GARNL3: variants seen among roughly 807,000 people sequenced by gnomAD.
GARNL3 encodes the protein GTPase activating Rap/RanGAP domain like 3, also known as GTPase-activating Rap/Ran-GAP domain-like protein 3.
In GARNL3, 63 loss-of-function variants were observed where a neutral mutation model predicts 125.0. The observed-to-expected ratio is 0.50, with a 90% CI of 0.41 to 0.62. The LOEUF (loss-of-function observed/expected upper bound fraction) is 0.62. Among genes scored for constraint, GARNL3 ranks in the 20% least tolerant of loss-of-function variants. The pLI is 0.00. For missense variants in GARNL3, 994 were observed against 1,244.0 expected (o/e 0.80, Z 3.02); for synonymous variants, 439 against 457.5 (o/e 0.96, Z 0.52).
intron 2 of GARNL3, among the ~76,000 whole-genome samples, chr9:127,250,002 C>T (rs1038388875): frequency 2.0e-5 from 3 of 151,280 alleles, no homozygotes; most frequent in Non-Finnish European, 4.4e-5. Context: ...AGTGAAACTC[C>T]GTGTGAAAAA....
intron 6 of GARNL3, among the ~76,000 whole-genome samples, chr9:127,322,357 G>GCTCACCTCTGCTCAGTCATCC (rs1237503469): frequency 7.3e-5 from 11 of 151,686 alleles, no homozygotes; most frequent in Non-Finnish European, 1.2e-4. Context: ...CCTCGGCAGA[G>GCTCACCTCTGCTCAGTCATCC]CTCACCTCTG....
intron 2 of GARNL3, among the ~76,000 whole-genome samples, chr9:127,291,539 G>A (rs1367631802): frequency 1.3e-5 from 2 of 152,126 alleles, no homozygotes; most frequent in African/African-American, 2.4e-5. Context: ...TACTTCCTCT[G>A]CCAGGCTGAT....
At chr9:127,285,367 G>A (rs2064220085) in intron 1 of GARNL3, among the ~76,000 whole-genome samples, 1 of 152,208 alleles carries the variant, frequency 6.6e-6, no homozygotes, top group African/African-American at 2.4e-5. Context: ...AGGTTGCAGT[G>A]AGTTGAGATC....
At chr9:127,313,999 T>G (rs2065165382) in intron 4 of GARNL3, among the ~76,000 whole-genome samples, 1 of 152,202 alleles carries the variant, frequency 6.6e-6, no homozygotes, top group African/African-American at 2.4e-5. Flanking sequence ...ACTTCCGTTG[T>G]GGAGTGACTG....
chr9:127,275,496 G>A (rs1328128980), intron 1 of GARNL3, among the ~76,000 whole-genome samples: 1 of 152,230 alleles, frequency 6.6e-6, no homozygotes, highest in Non-Finnish European at 1.5e-5. Flanking sequence ...TGAAACCCTT[G>A]TCTTTCAGCT....
chr9:127,234,118 A>G (rs1183226300), intron 1 of GARNL3, among the ~76,000 whole-genome samples: 1 of 152,168 alleles, frequency 6.6e-6, no homozygotes. Context: ...GCTGTCTAGT[A>G]TTGGGCTGAC....
chr9:127,303,536 TTTTAGTTTGTTTTTTAA>T (rs1318827375), intron 2 of GARNL3, among the ~76,000 whole-genome samples: 2 of 144,882 alleles, frequency 1.4e-5, no homozygotes, highest in African/African-American at 5.8e-5. Flanking sequence ...TTTTTAAAAG[TTTTAGTTTGTTTTTTAA>T]AAGAATCCAT....
In GARNL3 at chr9:127,354,325, A is replaced by C; in HGVS notation, c.1674A>C (p.Leu558=). Residue 558 remains leucine, a synonymous_variant, in exon 19 of 28, where the codon CTA becomes CTC. Transcript: ENST00000373387. ...ATGCTCGCCTCTTTGTCTTCAGGCTAAGTGCTCTGCAAAAGGGCCTTGAGG... is the reference window on the plus strand; with the variant it reads ...ATGCTCGCCTCTTTGTCTTCAGGCTCAGTGCTCTGCAAAAGGGCCTTGAGG... The part of the protein sequence containing the change: ...GKDARLFVFR[L]SALQKGLEGK... 6.2e-7 allele frequency: 1 copy of C among 1,613,826 alleles called. No homozygotes were observed. The highest frequency in any genetic ancestry group is 1.1e-5 in the South Asian group (1 of 91,054).
At chr9:127,270,433 C>T (rs1328377745) in intron 1 of GARNL3, among the ~76,000 whole-genome samples, 1 of 152,228 alleles carries the variant, frequency 6.6e-6, no homozygotes, top group Non-Finnish European at 1.5e-5. Flanking sequence ...CCCTGTCTTT[C>T]TCTTTCACCT....
upstream of GARNL3, among the ~76,000 whole-genome samples, chr9:127,262,197 G>A (rs929638968): frequency 2.6e-5 from 4 of 152,192 alleles, no homozygotes; most frequent in Admixed American, 6.5e-5. Flanking sequence ...ATTAGTTCAG[G>A]TAAAACAGCA....
At chr9:127,358,152 C>G (rs1351645565) in intron 21 of GARNL3, among the ~76,000 whole-genome samples, 1 of 152,202 alleles carries the variant, frequency 6.6e-6, no homozygotes, top group Non-Finnish European at 1.5e-5. Context: ...GGGTTTGAAC[C>G]TTGGCGCCCA....
intron 10 of GARNL3, 24 bp downstream of exon 10, chr9:127,335,357 CA>C (rs757992889): frequency 4.0e-6 from 6 of 1,502,094 alleles, no homozygotes. Flanking sequence ...TACAAACCAT[CA>C]AATAGTGATG....
intron 14 of GARNL3, 149 bp from the exon 15 acceptor site, chr9:127,344,086 C>T: frequency 1.6e-6 from 1 of 609,052 alleles, no homozygotes; most frequent in Admixed American, 2.9e-5. Context: ...ACCTGGTACA[C>T]AGCAGGTGCT....
intron 14 of GARNL3, 35 bp downstream of exon 14, chr9:127,342,369 T>C (rs373680194): frequency 2.2e-6 from 3 of 1,383,758 alleles, no homozygotes; most frequent in Admixed American, 1.7e-5. Flanking sequence ...TTCCTTCTTA[T>C]GGGGTCTGAG....
At chr9:127,281,594 G>A (rs181237513) in intron 1 of GARNL3, among the ~76,000 whole-genome samples, 96 of 152,154 alleles carry the variant, frequency 6.3e-4, no homozygotes, top group African/African-American at 2.2e-3. Flanking sequence ...GTGGGAGGAG[G>A]AGAAAAAAAC....
intron 21 of GARNL3, chr9:127,362,228 C>G (rs1490032364): frequency 1.3e-5 from 2 of 151,456 alleles, no homozygotes; most frequent in Non-Finnish European, 2.9e-5. Flanking sequence ...ACCACCACAC[C>G]CGACTAATTT....
rs772809782 is a variant in GARNL3 at position 127,336,080 on chromosome 9, G to A, written c.874-48G>A. 9 of 1,321,778 alleles carry A rather than the reference G, an allele frequency of 6.8e-6. No individual in the cohort carries two copies. In the East Asian group the frequency reaches 1.9e-4, roughly 27 times the overall value. 81.9% of individuals were successfully genotyped at this position (1,321,778 alleles called of 1,614,324 possible). A position where few individuals can be genotyped will look rare whatever the true frequency, so the allele number is the denominator to read the frequency against. On this transcript the variant is annotated intron_variant, in intron 10 of 27. Transcript: ENST00000373387. The stretch of plus-strand genomic sequence containing the variant: ...TATGTTTTTTTAACTCTGTGAATGT[G>A]CCATGTTTGAGAGTCTTTCTCAGTG...
rs763979585 is a variant in GARNL3 at position 127,344,292 on chromosome 9, C to T, written c.1309C>T (p.Arg437Trp). Residue 437 changes from arginine (R) to tryptophan (W), a missense_variant, in exon 15 of 28, where the codon CGG becomes TGG. Around this residue, in one of 5 missense-constraint regions of GARNL3, gnomAD observed 728 missense variants for 865.7 expected, o/e 0.84. Transcript: ENST00000373387. The part of the protein sequence containing the change: ...DVLPESPKSA[R>W]KKEEARQAEF... ...CTTACCAGAGTCACCCAAGTCAGCGCGGAAGAAAGAGGAGGCCCGCCAGGC... is the reference window on the plus strand; with the variant it reads ...CTTACCAGAGTCACCCAAGTCAGCGTGGAAGAAAGAGGAGGCCCGCCAGGC... 2.5e-5 allele frequency: 41 copies of T among 1,613,896 alleles called. No individual in the cohort carries two copies. Among genetic ancestry groups the T allele is most frequent in the African/African-American group, 9.3e-5 (7 of 74,898 alleles).
chr9:127,353,205 G>A (rs1362566005), intron 17 of GARNL3, among the ~76,000 whole-genome samples: 1 of 152,036 alleles, frequency 6.6e-6, no homozygotes, highest in Non-Finnish European at 1.5e-5. Flanking sequence ...CGTTTTTCCT[G>A]CTGTTTTGGC....
Sources: gnomAD v4.1 joint callset for allele counts (sites outside exome capture counted in the v4.1 genomes callset) on GRCh38, gnomAD v4.1.1 for gene constraint, gnomAD v4.1.1 regional missense constraint, MANE v1.5 for transcripts, NCBI Gene and HGNC (gene_info 2026-07-23, HGNC 2026-07-21) for gene names.